The following CCDC88A variants were observed in gnomAD, a reference collection of about 807,000 sequenced individuals.
The protein encoded by CCDC88A is coiled-coil and HOOK domain protein 88A.
CCDC88A carries 54 observed loss-of-function variants against 234.3 expected under a neutral mutation model. That is an observed-to-expected ratio of 0.23 (90% CI 0.19 to 0.29). CCDC88A has a LOEUF of 0.29. Ranked by LOEUF, CCDC88A falls within the 10% of genes least tolerant of loss-of-function variation. The pLI is 1.00. For synonymous variants in CCDC88A, 753 were observed against 737.8 expected (o/e 1.02, Z -0.33); for missense variants, 1,832 against 2,123.4 (o/e 0.86, Z 2.70).
chr2:55,374,913 T>A, intron 3 of CCDC88A, 30 bp from the exon 4 acceptor site: 1 of 1,331,126 alleles, frequency 7.5e-7, no homozygotes, highest in Non-Finnish European at 1.1e-6. Flanking sequence ...ACTTGTTATA[T>A]GGGTAATGCT....
rs200314357 is a variant in CCDC88A at position 55,296,406 on chromosome 2, C to G, written c.4943G>C (p.Arg1648Thr). 9.0e-4 allele frequency: 1,455 copies of G among 1,614,178 alleles called. 26 individuals are homozygous for G. In the South Asian group the frequency reaches 0.015, roughly 17 times the overall value. ...GAGCACTGGGCTTGATCTGGTCTGT[C>G]TTTTCAAGTACTGGATTGGACTGCT... ...SGSSPIQYLKRQTRSSPVLQH... is the reference protein window; with the variant it reads ...SGSSPIQYLKTQTRSSPVLQH... Residue 1648 changes from arginine to threonine, a missense_variant, in exon 30 of 33, where the codon AGA (arginine) becomes ACA (threonine). By Grantham distance (71) the Arg-to-Thr change is moderately conservative. Transcript: ENST00000436346.
At chr2:55,339,689 T>C (rs1274145062) in intron 12 of CCDC88A, 41 bp from the exon 13 acceptor site, 7 of 1,535,902 alleles carry the variant, frequency 4.6e-6, no homozygotes, top group Non-Finnish European at 6.1e-6. Context: ...TACTCTTTAC[T>C]GTTTTTACTA....
chr2:55,324,716 G>T (rs1043345308), intron 17 of CCDC88A, among the ~76,000 whole-genome samples: 1 of 151,916 alleles, frequency 6.6e-6, no homozygotes, highest in Non-Finnish European at 1.5e-5. Context: ...TGCAATTTCA[G>T]TTCACCACAA....
chr2:55,416,383 A>G, intron 2 of CCDC88A, among the ~76,000 whole-genome samples: 1 of 138,988 alleles, frequency 7.2e-6, no homozygotes, highest in African/African-American at 2.6e-5. Context: ...CATCAAAGCT[A>G]CTAATATATA....
chr2:55,348,149 G>C (rs1246895945), intron 9 of CCDC88A, among the ~76,000 whole-genome samples: 1 of 151,944 alleles, frequency 6.6e-6, no homozygotes. Context: ...TTTTTTTGTA[G>C]CGATGAGGTT....
At position 55,322,690 on chromosome 2, in the gene CCDC88A, C is replaced by T. The variant is rs746716473; in HGVS notation, c.3000G>A (p.Val1000=). 2.7e-5 allele frequency: 41 copies of T among 1,500,790 alleles called. No individual in the cohort carries two copies. The highest frequency in any genetic ancestry group is 3.6e-5 in the Non-Finnish European group (40 of 1,116,860). 93.0% of individuals were successfully genotyped at this position (1,500,790 alleles called of 1,614,324 possible). The part of the protein sequence containing the change: ...NQQLRQELKT[V]KKNYEALKQR... ...GTTTGAGAGCTTCATAATTTTTTTT[C>T]ACCTAAAATTTTATTTAAAATATTT... The change falls in exon 18 of 33, where the codon GTG becomes GTA. Residue 1000 remains valine (V), a splice_region_variant and synonymous_variant. Transcript: ENST00000436346.
At chr2:55,357,447 T>C (rs758572864) in intron 7 of CCDC88A, among the ~76,000 whole-genome samples, 1 of 151,770 alleles carries the variant, frequency 6.6e-6, no homozygotes, top group Non-Finnish European at 1.5e-5. Context: ...CCTTTCATTT[T>C]CCTAAGTCTA....
intron 3 of CCDC88A, among the ~76,000 whole-genome samples, chr2:55,375,511 ATG>A (rs1491513508): frequency 0.012 from 178 of 14,950 alleles, no homozygotes; most frequent in Middle Eastern, 0.036. Flanking sequence ...ATATATATAT[ATG>A]TATGTATGTA....
At chr2:55,367,861 C>G (rs2104805404) in intron 5 of CCDC88A, among the ~76,000 whole-genome samples, 1 of 152,162 alleles carries the variant, frequency 6.6e-6, no homozygotes, top group Non-Finnish European at 1.5e-5. Context: ...TCCAACCACA[C>G]TTGACACTCA....
At position 55,418,869 on chromosome 2, in the gene CCDC88A, A is replaced by G. The variant is rs772013754; in HGVS notation, c.111T>C (p.Asp37=). Reference sequence around the variant, plus strand: ...CCCCATCCACCAAAGCCACATATTCATCAAGGTTGGTCCCATTTCCTGCGG... The same window carrying G: ...CCCCATCCACCAAAGCCACATATTCGTCAAGGTTGGTCCCATTTCCTGCGG... ...PLAAGNGTNL[D]EYVALVDGVF... The change falls in exon 2 of 33, where the codon GAT becomes GAC. Residue 37 remains aspartate (D), a synonymous_variant. Transcript: ENST00000436346. 9.9e-6 allele frequency: 16 copies of G among 1,614,210 alleles called. No individual in the cohort carries two copies. The highest frequency in any genetic ancestry group is 1.4e-5 in the Non-Finnish European group (16 of 1,180,020).
At chr2:55,312,990 GATTA>G (rs1398202217) in intron 22 of CCDC88A, 2 of 161,094 alleles carry the variant, frequency 1.2e-5, no homozygotes, top group African/African-American at 4.8e-5. Flanking sequence ...CTGTTGCAAG[GATTA>G]ATTAGCATAT....
intron 7 of CCDC88A, among the ~76,000 whole-genome samples, chr2:55,357,812 T>C (rs748832091): frequency 6.6e-6 from 1 of 152,202 alleles, no homozygotes; most frequent in Non-Finnish European, 1.5e-5. Flanking sequence ...TGCCAGTAAC[T>C]ATTGCTTTCC....
chr2:55,392,970 G>C (rs1676887935), intron 2 of CCDC88A, among the ~76,000 whole-genome samples: 1 of 151,770 alleles, frequency 6.6e-6, no homozygotes, highest in African/African-American at 2.4e-5. Flanking sequence ...TTCCTTTGTT[G>C]TTGTTTTTTT....
chr2:55,391,391 T>TA (rs1676618980), intron 2 of CCDC88A, among the ~76,000 whole-genome samples: 1 of 151,458 alleles, frequency 6.6e-6, no homozygotes, highest in Non-Finnish European at 1.5e-5. Context: ...CAGCATAAAA[T>TA]AAAAAAATTA....
At chr2:55,305,900 C>T (rs1681499734) in intron 25 of CCDC88A, among the ~76,000 whole-genome samples, 2 of 151,810 alleles carry the variant, frequency 1.3e-5, no homozygotes, top group South Asian at 4.2e-4. Flanking sequence ...ATTAAGTATA[C>T]CTATTACTAT....
At chr2:55,319,107 T>G in intron 18 of CCDC88A, 103 bp from the exon 19 acceptor site, 1 of 891,304 alleles carries the variant, frequency 1.1e-6, no homozygotes, top group Non-Finnish European at 1.6e-6. Flanking sequence ...TTATTAGCAT[T>G]ATAATCCATA....
chr2:55,305,599 C>T (rs1432296145), intron 25 of CCDC88A, among the ~76,000 whole-genome samples: 1 of 152,162 alleles, frequency 6.6e-6, no homozygotes, highest in Admixed American at 6.5e-5. Flanking sequence ...GTAATCCCAG[C>T]ACTTTGGGAG....
intron 13 of CCDC88A, among the ~76,000 whole-genome samples, chr2:55,338,780 C>T (rs572304266): frequency 2.6e-4 from 39 of 152,084 alleles, no homozygotes; most frequent in Non-Finnish European, 1.5e-4. Flanking sequence ...TCCACTAGCC[C>T]GAGTTGAGAC....
At chr2:55,390,053 A>AG (rs1553431399) in intron 2 of CCDC88A, among the ~76,000 whole-genome samples, 1,519 of 79,726 alleles carry the variant, frequency 0.019, 279 homozygotes, top group African/African-American at 0.066. Flanking sequence ...AAAAAAATAA[A>AG]AAATAAAGAT....
Sources: allele counts gnomAD v4.1 joint callset (sites outside exome capture counted in the v4.1 genomes callset), GRCh38; gene constraint gnomAD v4.1.1; transcripts MANE v1.5; gene names NCBI Gene and HGNC (gene_info 2026-07-23, HGNC 2026-07-21).